ALK: variants seen among roughly 807,000 people sequenced by gnomAD.
ALK encodes ALK tyrosine kinase receptor.
ALK carries 74 observed loss-of-function variants against 163.1 expected under a neutral mutation model. That is an observed-to-expected ratio of 0.45 (90% CI 0.38 to 0.55). The LOEUF (loss-of-function observed/expected upper bound fraction) is 0.55, where lower values mean the gene tolerates loss of function less well. Ranked by LOEUF, ALK falls within the 20% of genes least tolerant of loss-of-function variation. ALK has a pLI of 0.00. For missense variants in ALK, 2,063 were observed against 2,105.3 expected, an observed-to-expected ratio of 0.98 and a Z score of 0.39; for synonymous variants, 960 against 843.2, an observed-to-expected ratio of 1.14 and a Z score of -2.40.
intron 1 of ALK, among the ~76,000 whole-genome samples, chr2:29,806,527 C>T (rs1664622466): frequency 6.6e-6 from 1 of 152,186 alleles, no homozygotes; most frequent in Non-Finnish European, 1.5e-5. Flanking sequence ...TAAAATTGCA[C>T]AGTGGCTGAA....
At chr2:29,266,076 C>T (rs1382473848) in intron 11 of ALK, among the ~76,000 whole-genome samples, 13 of 152,336 alleles carry the variant, frequency 8.5e-5, no homozygotes, top group East Asian at 1.9e-4. Flanking sequence ...AAAGAATTTT[C>T]GTGAACAAGG....
chr2:29,880,561 C>T lies in ALK; in HGVS notation c.667+39432G>A, dbSNP rs187564919. ...CACTTAAGCTCCTACTTTATAAGTC[C>T]CCAGGGATCTATGGCTAGGTATATT... is the stretch of plus-strand genomic sequence containing the variant. On this transcript the variant is annotated intron_variant, in intron 1 of 28. Coordinates refer to ENST00000389048, the MANE Select transcript of ALK (RefSeq NM_004304.5). Among the ~76,000 whole-genome samples the T allele has an allele frequency of 2.0e-5, 3 of 152,230 alleles. No individual in the cohort carries two copies. In the East Asian group the frequency reaches 5.8e-4, roughly 29 times the overall value.
chr2:29,878,043 A>T (rs1043972644), intron 1 of ALK, among the ~76,000 whole-genome samples: 1 of 152,234 alleles, frequency 6.6e-6, no homozygotes, highest in Non-Finnish European at 1.5e-5. Flanking sequence ...CTTGGGAGAA[A>T]AGCTGAGTAG....
At chr2:29,784,686 C>T (rs915507591) in intron 1 of ALK, among the ~76,000 whole-genome samples, 1 of 135,242 alleles carries the variant, frequency 7.4e-6, no homozygotes, top group Non-Finnish European at 1.6e-5. Flanking sequence ...CAGAGCAAGA[C>T]CTCCGTCTCA....
intron 9 of ALK, among the ~76,000 whole-genome samples, chr2:29,280,397 T>C (rs1448622098): frequency 6.6e-6 from 1 of 151,482 alleles, no homozygotes; most frequent in East Asian, 2.0e-4. Flanking sequence ...ATGTACCAGG[T>C]GGACCACTCT....
intron 8 of ALK, among the ~76,000 whole-genome samples, chr2:29,307,606 G>A (rs931089577): frequency 6.6e-6 from 1 of 152,196 alleles, no homozygotes; most frequent in Admixed American, 6.5e-5. Flanking sequence ...CCTGGTTTCA[G>A]TGTGGTATCT....
chr2:29,281,374 G>A (rs1665715061), intron 9 of ALK, among the ~76,000 whole-genome samples: 2 of 152,134 alleles, frequency 1.3e-5, no homozygotes, highest in South Asian at 2.1e-4. Context: ...GAAGGGAAGC[G>A]TTAGCCCTTT....
intron 3 of ALK, among the ~76,000 whole-genome samples, chr2:29,623,015 C>T (rs1423572202): frequency 1.3e-5 from 2 of 152,180 alleles, no homozygotes; most frequent in Non-Finnish European, 2.9e-5. Flanking sequence ...TAGGAGGTTC[C>T]TAACAATGTT....
intron 1 of ALK, among the ~76,000 whole-genome samples, chr2:29,830,712 T>TAAAAAAAAAAAAAAAAAAAA (rs1665344950): frequency 1.6e-5 from 1 of 63,512 alleles, no homozygotes; most frequent in African/African-American, 6.2e-5. Flanking sequence ...CTAAAATAGT[T>TAAAAAAAAAAAAAAAAAAAA]TAAAAAAAAA....
chr2:29,295,286 A>T (rs1219231708), intron 9 of ALK, among the ~76,000 whole-genome samples: 1 of 152,130 alleles, frequency 6.6e-6, no homozygotes, highest in Admixed American at 6.5e-5. Context: ...CTTACTTTAA[A>T]TCCCCTGGAG....
chr2:29,399,423 A>G (rs975965473), intron 4 of ALK, among the ~76,000 whole-genome samples: 1 of 152,198 alleles, frequency 6.6e-6, no homozygotes, highest in African/African-American at 2.4e-5. Flanking sequence ...CCCACCGCCC[A>G]ACTAATCTGA....
intron 4 of ALK, among the ~76,000 whole-genome samples, chr2:29,431,944 A>AGTCCC (rs1670282731): frequency 6.6e-6 from 1 of 151,134 alleles, no homozygotes; most frequent in South Asian, 2.1e-4. Flanking sequence ...CGTCCCGTCC[A>AGTCCC]GTCCCGTCCC....
At chr2:29,234,050 C>G (rs1182735522) in intron 13 of ALK, among the ~76,000 whole-genome samples, 1 of 151,692 alleles carries the variant, frequency 6.6e-6, no homozygotes, top group Admixed American at 6.6e-5. Context: ...TTATGTCATT[C>G]CAAGAGCAGA....
intron 9 of ALK, among the ~76,000 whole-genome samples, chr2:29,292,876 T>C (rs900472190): frequency 1.3e-5 from 2 of 152,254 alleles, no homozygotes; most frequent in Non-Finnish European, 1.5e-5. Flanking sequence ...TATGTACCTA[T>C]GACTTATTCA....
intron 1 of ALK, among the ~76,000 whole-genome samples, chr2:29,853,333 T>C (rs1240808269): frequency 6.6e-6 from 1 of 152,198 alleles, no homozygotes; most frequent in Non-Finnish European, 1.5e-5. Flanking sequence ...TTACCCATTT[T>C]AGTAAATGAC....
chr2:29,920,770 C>G lies in ALK; in HGVS notation c.-111G>C, dbSNP rs1667979623. The G allele has an allele frequency of 1.0e-6, 1 of 980,636 alleles. No individual in the cohort carries two copies. Among genetic ancestry groups the G allele is most frequent in the Non-Finnish European group, 1.5e-6 (1 of 659,896 alleles). The allele number at this position is 980,636 out of a possible 1,614,324, so 60.7% of individuals were successfully genotyped here. ...CCTTGGTACCCAGCGGCTCCTTCCA[C>G]CTGATCTCCAGAGGACTGTGCGTGC... On this transcript the variant is annotated 5_prime_UTR_variant, in exon 1 of 29. Coordinates refer to ENST00000389048, the MANE Select transcript of ALK (RefSeq NM_004304.5).
intron 5 of ALK, among the ~76,000 whole-genome samples, chr2:29,341,895 T>C (rs1483574810): frequency 1.3e-5 from 2 of 152,216 alleles, no homozygotes; most frequent in African/African-American, 4.8e-5. Context: ...AGTTTTTAGT[T>C]CTTTTCTAAG....
chr2:29,382,604 C>T (rs942544229), intron 5 of ALK, among the ~76,000 whole-genome samples: 30 of 152,150 alleles, frequency 2.0e-4, no homozygotes, highest in Admixed American at 1.4e-3. Context: ...CAGATGGCCT[C>T]TTTTGTATGG....
At chr2:29,411,733 G>T (rs1485023747) in intron 4 of ALK, among the ~76,000 whole-genome samples, 2 of 152,058 alleles carry the variant, frequency 1.3e-5, no homozygotes, top group African/African-American at 4.8e-5. Context: ...TCCTCTTCCA[G>T]TTCCAACAAC....
Sources: allele counts gnomAD v4.1 joint callset (sites outside exome capture counted in the v4.1 genomes callset), GRCh38; gene constraint gnomAD v4.1.1; transcripts MANE v1.5; gene names NCBI Gene and HGNC (gene_info 2026-07-23, HGNC 2026-07-21).